GPC6: variants seen among roughly 807,000 people sequenced by gnomAD.
GPC6 encodes the protein glypican-6.
GPC6 carries 14 observed loss-of-function variants against 55.2 expected under a neutral mutation model. That is an observed-to-expected ratio of 0.25 (90% CI 0.17 to 0.40). The LOEUF is 0.40. Ranked by LOEUF, GPC6 falls within the 10% of genes least tolerant of loss-of-function variation. The pLI is 1.00. For synonymous variants in GPC6, 278 were observed against 259.6 expected (o/e 1.07, Z -0.68); for missense variants, 641 against 708.5 (o/e 0.90, Z 1.08).
chr13:94,048,225 C>T (rs1883800727), intron 4 of GPC6, among the ~76,000 whole-genome samples: 1 of 151,852 alleles, frequency 6.6e-6, no homozygotes, highest in African/African-American at 2.4e-5. Flanking sequence ...GGACCCATGA[C>T]AAGGAAAACA....
Position 94,196,204 on chromosome 13 carries a change from A to G in GPC6, c.878-90145A>G, listed in dbSNP as rs1288344906. Reference sequence around the variant, plus strand: ...TTTTCAGTTTTTTTTTTTTTTCTTAATTAGGGTTTACAGCACAAGAATATC... The same window carrying G: ...TTTTCAGTTTTTTTTTTTTTTCTTAGTTAGGGTTTACAGCACAAGAATATC... On this transcript the variant is annotated intron_variant, in intron 4 of 8. Coordinates refer to ENST00000377047, the MANE Select transcript of GPC6 (RefSeq NM_005708.5). Among the ~76,000 whole-genome samples the G allele has an allele frequency of 2.7e-5, 4 of 150,916 alleles. No individual in the cohort carries two copies. In the East Asian group the frequency reaches 7.8e-4, roughly 29 times the overall value.
chr13:93,542,508 C>T (rs1210978155), intron 1 of GPC6, among the ~76,000 whole-genome samples: 2 of 152,118 alleles, frequency 1.3e-5, no homozygotes, highest in Non-Finnish European at 2.9e-5. Context: ...GTGATGCGGG[C>T]TCCTTTTTGG....
chr13:93,731,064 G>T (rs548523928), intron 2 of GPC6, among the ~76,000 whole-genome samples: 169 of 152,268 alleles, frequency 1.1e-3, no homozygotes, highest in African/African-American at 4.0e-3. Flanking sequence ...GGTCCACAGG[G>T]CTTTGTCATG....
At chr13:93,923,910 C>G (rs1375561932) in intron 3 of GPC6, among the ~76,000 whole-genome samples, 3 of 152,100 alleles carry the variant, frequency 2.0e-5, no homozygotes, top group Non-Finnish European at 2.9e-5. Flanking sequence ...TATTATTCAG[C>G]TTCTTATTTG....
intron 4 of GPC6, among the ~76,000 whole-genome samples, chr13:94,266,912 C>T (rs573130227): frequency 2.0e-5 from 3 of 152,174 alleles, no homozygotes; most frequent in South Asian, 2.1e-4. Flanking sequence ...TGATCTTCAA[C>T]GGCTTAGTCA....
At chr13:94,090,641 A>G (rs1928126) in intron 4 of GPC6, among the ~76,000 whole-genome samples, 120,784 of 152,040 alleles carry the variant, frequency 0.79, 48,291 homozygotes, top group South Asian at 0.88. Flanking sequence ...AATTTGATCT[A>G]ATTTTATTTT....
At chr13:94,153,869 G>A (rs753932087) in intron 4 of GPC6, among the ~76,000 whole-genome samples, 4 of 152,252 alleles carry the variant, frequency 2.6e-5, no homozygotes, top group South Asian at 2.1e-4. Flanking sequence ...AAGCACTAGC[G>A]TGTGTAGGTT....
intron 1 of GPC6, among the ~76,000 whole-genome samples, chr13:93,276,589 G>A (rs922449442): frequency 2.0e-5 from 3 of 151,542 alleles, no homozygotes; most frequent in African/African-American, 7.3e-5. Flanking sequence ...ATGCAGTCCC[G>A]GCCACATGTG....
intron 6 of GPC6, among the ~76,000 whole-genome samples, chr13:94,329,162 C>A (rs1401543415): frequency 6.6e-6 from 1 of 152,036 alleles, no homozygotes; most frequent in Non-Finnish European, 1.5e-5. Context: ...CAAAATGGAG[C>A]CAGAGAGGGA....
rs1355762545 is a variant in GPC6, at chr13:93,420,621, T to C, written c.161-124642T>C. Among the ~76,000 whole-genome samples the C allele has an allele frequency of 2.6e-5, 4 of 152,156 alleles. No individual in the cohort carries two copies. The East Asian group carries it at 7.7e-4, about 29-fold the overall frequency. ...GAATGTTTGAAGAAGGAAAGTGACA[T>C]CTAATGTTCATTTTAGAAGGATTAT... On this transcript the variant is annotated intron_variant, in intron 1 of 8. Transcript: ENST00000377047.
chr13:94,087,462 A>G (rs1219924174), intron 4 of GPC6, among the ~76,000 whole-genome samples: 4 of 152,250 alleles, frequency 2.6e-5, no homozygotes, highest in African/African-American at 7.2e-5. Flanking sequence ...CACCAATTCA[A>G]GTATCATTGT....
intron 4 of GPC6, among the ~76,000 whole-genome samples, chr13:94,061,594 C>T (rs1884325551): frequency 6.6e-6 from 1 of 151,814 alleles, no homozygotes; most frequent in South Asian, 2.1e-4. Context: ...AAGCCCTGGG[C>T]AATGCAAGGC....
chr13:93,721,198 A>T (rs976360581), intron 2 of GPC6, among the ~76,000 whole-genome samples: 1 of 151,952 alleles, frequency 6.6e-6, no homozygotes, highest in Admixed American at 6.6e-5. Flanking sequence ...GTGGGAGTCT[A>T]AGTCTCTTTG....
chr13:94,345,772 G>C (rs959268672), intron 6 of GPC6, among the ~76,000 whole-genome samples: 4 of 152,176 alleles, frequency 2.6e-5, no homozygotes, highest in African/African-American at 7.2e-5. Context: ...TTTTGCTAAA[G>C]AGCACTGTAG....
intron 1 of GPC6, among the ~76,000 whole-genome samples, chr13:93,410,320 C>A (rs544935855): frequency 6.6e-6 from 1 of 152,108 alleles, no homozygotes; most frequent in Non-Finnish European, 1.5e-5. Flanking sequence ...TCAGAAAGCA[C>A]TTTCTATCAG....
chr13:93,704,778 C>T (rs1034926887), intron 2 of GPC6, among the ~76,000 whole-genome samples: 1 of 151,954 alleles, frequency 6.6e-6, no homozygotes, highest in African/African-American at 2.4e-5. Context: ...GCAGGAAATG[C>T]TCAAATCTGT....
At chr13:94,147,855 G>A (rs915150808) in intron 4 of GPC6, among the ~76,000 whole-genome samples, 1 of 152,134 alleles carries the variant, frequency 6.6e-6, no homozygotes, top group African/African-American at 2.4e-5. Context: ...TATCATAAAA[G>A]TTATATAAGA....
In GPC6 at chr13:93,943,900, G is replaced by A. The variant is rs895780609; in HGVS notation, c.712-83829G>A. Among the ~76,000 whole-genome samples the A allele has an allele frequency of 3.3e-5, 5 of 152,078 alleles. No homozygotes were observed. The East Asian group carries it at 5.8e-4, about 18-fold the overall frequency. On this transcript the variant is annotated intron_variant, in intron 3 of 8. Coordinates refer to ENST00000377047, the MANE Select transcript of GPC6 (RefSeq NM_005708.5). ...ATTGCTGTTTCCGTCATAGTACTGC[G>A]GTTTGATTAAAATGTATTTTATGAA...
At chr13:93,325,648 C>A (rs1456941019) in intron 1 of GPC6, among the ~76,000 whole-genome samples, 2 of 152,254 alleles carry the variant, frequency 1.3e-5, no homozygotes, top group African/African-American at 2.4e-5. Context: ...AATGAGTACA[C>A]TGCAAGTCCA....
Sources: allele counts gnomAD v4.1 joint callset (sites outside exome capture counted in the v4.1 genomes callset), GRCh38; gene constraint gnomAD v4.1.1; transcripts MANE v1.5; gene names NCBI Gene and HGNC (gene_info 2026-07-23, HGNC 2026-07-21).